Variants in FBN2 observed in about 807,000 individuals in gnomAD.
FBN2 encodes the protein fibrillin 2, also known as fibrillin-2.
In FBN2, 105 loss-of-function variants were observed where a neutral mutation model predicts 355.6. The ratio of observed to expected loss-of-function variants is 0.30; its 90% CI spans 0.25 to 0.35. The LOEUF (loss-of-function observed/expected upper bound fraction) is 0.35. Among genes scored for constraint, FBN2 ranks in the 10% least tolerant of loss-of-function variants. The pLI, the probability that FBN2 is intolerant of heterozygous loss-of-function variation, is 1.00. For missense variants in FBN2, 3,280 were observed against 3,758.7 expected (o/e 0.87, Z 3.33); for synonymous variants, 1,350 against 1,301.2 (o/e 1.04, Z -0.81).
intron 6 of FBN2, among the ~76,000 whole-genome samples, chr5:128,454,394 C>A (rs569080440): frequency 6.6e-6 from 1 of 152,226 alleles, no homozygotes; most frequent in East Asian, 1.9e-4. Context: ...GTTAATACAG[C>A]ATGAATTAAA....
chr5:128,464,235 G>A (rs1754634726), intron 6 of FBN2, among the ~76,000 whole-genome samples: 1 of 152,112 alleles, frequency 6.6e-6, no homozygotes, highest in Non-Finnish European at 1.5e-5. Flanking sequence ...TACAAAGTCT[G>A]TAATAACTGC....
chr5:128,397,908 T>C (rs1280190175), intron 8 of FBN2, among the ~76,000 whole-genome samples: 1 of 151,768 alleles, frequency 6.6e-6, no homozygotes, highest in Non-Finnish European at 1.5e-5. Context: ...CCTCGTAAGG[T>C]AGGGTTCCAA....
intron 9 of FBN2, 102 bp downstream of exon 9, chr5:128,395,020 A>T (rs1752610495): frequency 7.4e-7 from 1 of 1,343,024 alleles, no homozygotes; most frequent in Non-Finnish European, 1.1e-6. Flanking sequence ...TTCTGGACTC[A>T]AGCAATCCAC....
intron 36 of FBN2, 94 bp from the exon 37 acceptor site, chr5:128,312,889 T>G (rs778978872): frequency 2.6e-5 from 35 of 1,360,602 alleles, no homozygotes; most frequent in Non-Finnish European, 3.4e-5. Flanking sequence ...AATTCAAATT[T>G]TGTACGTTAA....
intron 2 of FBN2, among the ~76,000 whole-genome samples, chr5:128,531,131 G>T (rs1756690062): frequency 6.6e-6 from 1 of 151,688 alleles, no homozygotes; most frequent in South Asian, 2.1e-4. Context: ...TCAACAAGTG[G>T]ATAAAGAAAC....
chr5:128,477,035 T>C lies in FBN2; in HGVS notation c.629-12114A>G, dbSNP rs572436680. ...AGAATCTGTGGCATGAAATTGACAA[T>C]TTTAGCAGTTTTAAAATCTTACACC... On this transcript the variant is annotated intron_variant, in intron 5 of 64. Transcript: ENST00000262464. 3.2e-3 allele frequency among the ~76,000 whole-genome samples: 482 copies of C among 152,362 alleles called. 1 individual carries two copies. The highest frequency in any genetic ancestry group is 0.011 in the African/African-American group (457 of 41,584).
chr5:128,312,383 A>G (rs1208803024), intron 37 of FBN2, among the ~76,000 whole-genome samples: 2 of 152,244 alleles, frequency 1.3e-5, no homozygotes, highest in African/African-American at 4.8e-5. Flanking sequence ...AAGAACTGAT[A>G]TTAGTACTAT....
At chr5:128,294,079 T>A (rs1215498659) in intron 48 of FBN2, among the ~76,000 whole-genome samples, 1 of 151,376 alleles carries the variant, frequency 6.6e-6, no homozygotes, top group Non-Finnish European at 1.5e-5. Context: ...TGAGTGAGAA[T>A]ATGCGGTGTT....
At position 128,287,321 on chromosome 5, in the gene FBN2, T is replaced by G. The variant is rs1749182438; in HGVS notation, c.6867A>C (p.Gln2289His). Residue 2289 changes from glutamine (Q) to histidine (H), a missense_variant, in exon 54 of 65, where the codon CAA becomes CAC. Gln to His is a conservative substitution (Grantham distance 24). Around this residue, in one of 6 missense-constraint regions of FBN2, gnomAD observed 2,284 missense variants for 2,749.5 expected, o/e 0.83. Transcript: ENST00000262464. The stretch of plus-strand genomic sequence containing the variant: ...CTGAGGCCTTACCTTTGCACATCTT[T>G]TGATCTTCCCTGAGGGCATAGCCAA... ...CPIGYALRED[Q>H]KMCKDLDECA... The G allele has an allele frequency of 6.2e-7, 1 of 1,613,884 alleles. No individual in the cohort carries two copies. The highest frequency in any genetic ancestry group is 1.3e-5 in the African/African-American group (1 of 74,918).
At chr5:128,407,602 C>T (rs1752960257) in intron 8 of FBN2, among the ~76,000 whole-genome samples, 1 of 152,132 alleles carries the variant, frequency 6.6e-6, no homozygotes, top group East Asian at 1.9e-4. Flanking sequence ...TAGGCTTCTA[C>T]TGTTATTTAT....
intron 8 of FBN2, among the ~76,000 whole-genome samples, chr5:128,403,511 C>T (rs1752852046): frequency 6.6e-6 from 1 of 152,198 alleles, no homozygotes; most frequent in African/African-American, 2.4e-5. Context: ...AAGTTGCTCA[C>T]TGCTCTTTGC....
At chr5:128,385,527 A>G (rs1752345415) in intron 11 of FBN2, among the ~76,000 whole-genome samples, 1 of 152,148 alleles carries the variant, frequency 6.6e-6, no homozygotes, top group Non-Finnish European at 1.5e-5. Context: ...ATATGTGTAC[A>G]TGTGTCTTTA....
Position 128,336,089 on chromosome 5 carries a change from T to C in FBN2, c.3623A>G (p.Asp1208Gly), listed in dbSNP as rs1291604931. 1.2e-6 allele frequency: 2 copies of C among 1,613,352 alleles called. No homozygotes were observed. The highest frequency in any genetic ancestry group is 1.3e-5 in the African/African-American group (1 of 74,926). The change falls in exon 28 of 65, where the codon GAC (aspartate) becomes GGC (glycine). Residue 1208 changes from aspartate to glycine, a missense_variant. By Grantham distance (94) the Asp-to-Gly change is moderately conservative. Transcript: ENST00000262464. ...CVDINECSLS[D>G]NLCRNGKCVN... is the part of the protein sequence containing the mutation. ...ACATTTTCCATTTCTGCAGAGATTG[T>C]CACTCAGGGAGCATTCATTAATATC...
At chr5:128,296,174 C>G (rs1194571348) in intron 48 of FBN2, among the ~76,000 whole-genome samples, 1 of 151,552 alleles carries the variant, frequency 6.6e-6, no homozygotes, top group Non-Finnish European at 1.5e-5. Context: ...GCCTTGCATC[C>G]CAGGGATGAA....
Position 128,376,766 on chromosome 5 carries a change from C to G in FBN2, c.1937G>C (p.Gly646Ala). ...ACGCCCATTTGGAGCCAAGACAAAT[C>G]CTGGTTTGCAGATGCACTTGAAGCT... ...DGSFKCICKP[G>A]FVLAPNGRYC... The change falls in exon 14 of 65, where the codon GGA becomes GCA. Residue 646 changes from glycine (G) to alanine (A), a missense_variant. Around this residue, in one of 6 missense-constraint regions of FBN2, gnomAD observed 2,284 missense variants for 2,749.5 expected, o/e 0.83. Transcript: ENST00000262464. 1 of 1,613,758 alleles carries G rather than the reference C, an allele frequency of 6.2e-7. No homozygotes were observed. Among genetic ancestry groups the G allele is most frequent in the Non-Finnish European group, 8.5e-7 (1 of 1,179,744 alleles).
chr5:128,443,603 G>T (rs1753979721), intron 7 of FBN2, among the ~76,000 whole-genome samples: 1 of 152,112 alleles, frequency 6.6e-6, no homozygotes, highest in African/African-American at 2.4e-5. Context: ...TCTTGTTAAG[G>T]ATACCACCAT....
At chr5:128,295,033 T>C (rs868695178) in intron 48 of FBN2, among the ~76,000 whole-genome samples, 37 of 150,284 alleles carry the variant, frequency 2.5e-4, no homozygotes, top group South Asian at 4.3e-4. Flanking sequence ...GGAAGGGATC[T>C]AGTTTCAGCT....
intron 8 of FBN2, 71 bp downstream of exon 8, chr5:128,408,603 T>C: frequency 6.4e-7 from 1 of 1,573,572 alleles, no homozygotes; most frequent in South Asian, 1.1e-5. Context: ...CGTTGCCATC[T>C]TCATACCTGT....
In FBN2 at chr5:128,434,407, T is replaced by TGTATATATATAC. The variant is rs1161586757; in HGVS notation, c.952+12073_952+12074insGTATATATATAC. 3.8e-5 allele frequency among the ~76,000 whole-genome samples: 4 copies of TGTATATATATAC among 106,274 alleles called. 1 individual carries two copies. The highest frequency in any genetic ancestry group is 1.5e-4 in the African/African-American group (4 of 27,582). 69.7% of individuals were successfully genotyped at this position (106,274 alleles called of 152,430 possible). A position where few individuals can be genotyped will look rare whatever the true frequency, so the allele number is the denominator to read the frequency against. On this transcript the variant is annotated intron_variant, in intron 7 of 64. Transcript: ENST00000262464. Reference sequence around the variant, plus strand: ...TGAATAAAGTGTGTATATATATATATATATATATATATATATATGGGCAGT... The same window carrying TGTATATATATAC: ...TGAATAAAGTGTGTATATATATATATGTATATATATACATATATATATATATATATGGGCAGT...
Sources: allele counts gnomAD v4.1 joint callset (sites outside exome capture counted in the v4.1 genomes callset), GRCh38; gene constraint gnomAD v4.1.1; regional missense constraint gnomAD v4.1.1; transcripts MANE v1.5; gene names NCBI Gene and HGNC (gene_info 2026-07-23, HGNC 2026-07-21).